Variants in STXBP5L observed in about 807,000 individuals in gnomAD.
STXBP5L encodes the protein syntaxin binding protein 5L, also known as syntaxin-binding protein 5-like.
In STXBP5L, 65 loss-of-function variants were observed where a neutral mutation model predicts 144.5. The observed-to-expected ratio is 0.45, with a 90% CI of 0.37 to 0.55. The LOEUF is 0.55. STXBP5L is among the 20% of genes least tolerant of loss of function. The pLI is 0.00. For missense variants in STXBP5L, 1,298 were observed against 1,405.5 expected (o/e 0.92, Z 1.22); for synonymous variants, 505 against 469.6 (o/e 1.08, Z -0.97).
At chr3:121,010,319 G>T (rs1944677839) in intron 3 of STXBP5L, among the ~76,000 whole-genome samples, 1 of 151,768 alleles carries the variant, frequency 6.6e-6, no homozygotes, top group Non-Finnish European at 1.5e-5. Context: ...AGAGGAATTG[G>T]TCTCCCCTTC....
intron 22 of STXBP5L, among the ~76,000 whole-genome samples, chr3:121,403,674 TA>T: frequency 1.3e-5 from 2 of 152,290 alleles, no homozygotes; most frequent in South Asian, 4.1e-4. Context: ...TAAGTAATTA[TA>T]TGGGATATTA....
chr3:120,996,355 G>T (rs1223834694), intron 3 of STXBP5L, among the ~76,000 whole-genome samples: 1 of 151,862 alleles, frequency 6.6e-6, no homozygotes, highest in Non-Finnish European at 1.5e-5. Flanking sequence ...TTAATATAAT[G>T]TATATTTAAG....
At chr3:121,001,393 C>T (rs1159932344) in intron 3 of STXBP5L, among the ~76,000 whole-genome samples, 3 of 152,178 alleles carry the variant, frequency 2.0e-5, no homozygotes, top group Non-Finnish European at 4.4e-5. Context: ...CTGGTCACAT[C>T]CCACAGGCAC....
At chr3:121,038,241 A>C (rs1946895699) in intron 3 of STXBP5L, among the ~76,000 whole-genome samples, 1 of 151,902 alleles carries the variant, frequency 6.6e-6, no homozygotes. Flanking sequence ...TACATAATTT[A>C]AGATCTTTTT....
rs368965958 is a variant in STXBP5L, at chr3:121,378,833, G to T, written c.2294G>T (p.Arg765Leu). The T allele has an allele frequency of 4.3e-6, 7 of 1,613,714 alleles. No homozygotes were observed. Among genetic ancestry groups the T allele is most frequent in the Non-Finnish European group, 5.9e-6 (7 of 1,179,834 alleles). ...NRWGPGRPPF[R>L]KAQSAACMEI... is the part of the protein sequence containing the mutation. ...TGGGGTCCTGGAAGACCACCATTTC[G>T]AAAGGCCCAGTCAGCAGCCTGCATG... The change falls in exon 21 of 27, where the codon CGA becomes CTA. Residue 765 changes from arginine (R) to leucine (L), a missense_variant. Coordinates refer to ENST00000471454, the MANE Select transcript of STXBP5L (RefSeq NM_001308330.2).
intron 15 of STXBP5L, among the ~76,000 whole-genome samples, chr3:121,251,322 T>G (rs2050019022): frequency 6.6e-6 from 1 of 152,154 alleles, no homozygotes; most frequent in African/African-American, 2.4e-5. Flanking sequence ...TTGTAGTCAT[T>G]AGAAAAGATA....
chr3:121,164,233 A>G (rs1250899641), intron 9 of STXBP5L, among the ~76,000 whole-genome samples: 4 of 152,154 alleles, frequency 2.6e-5, no homozygotes, highest in African/African-American at 7.2e-5. Flanking sequence ...AATGGCCAAC[A>G]CGTATGTAAA....
rs181434420 is a variant in STXBP5L, at chr3:121,071,064, C to A, written c.470+25529C>A. On this transcript the variant is annotated intron_variant, in intron 5 of 26. Coordinates refer to ENST00000471454, the MANE Select transcript of STXBP5L (RefSeq NM_001308330.2). Reference sequence around the variant, plus strand: ...AGGTCTGGTATAACAGAGTTTTAGTCACACCTTTTCTGGACCAGGCTTCTA... The same window carrying A: ...AGGTCTGGTATAACAGAGTTTTAGTAACACCTTTTCTGGACCAGGCTTCTA... Among the ~76,000 whole-genome samples the A allele has an allele frequency of 3.9e-3, 596 of 152,218 alleles. 7 individuals carry two copies. Among genetic ancestry groups the A allele is most frequent in the African/African-American group, 8.4e-3 (348 of 41,542 alleles).
chr3:121,315,654 G>A (rs948853266), intron 19 of STXBP5L, among the ~76,000 whole-genome samples: 6 of 151,562 alleles, frequency 4.0e-5, no homozygotes, highest in Non-Finnish European at 7.4e-5. Context: ...AAAAAAAGAA[G>A]CTCATCAAAG....
At chr3:121,008,646 G>C (rs891503006) in intron 3 of STXBP5L, among the ~76,000 whole-genome samples, 8 of 151,946 alleles carry the variant, frequency 5.3e-5, no homozygotes, top group Non-Finnish European at 1.0e-4. Context: ...GGTTTAAGAG[G>C]CTATTCCAGC....
intron 9 of STXBP5L, among the ~76,000 whole-genome samples, chr3:121,178,992 G>A (rs2047038885): frequency 6.6e-6 from 1 of 152,022 alleles, no homozygotes; most frequent in Admixed American, 6.6e-5. Flanking sequence ...GCAGATACGA[G>A]CACAGGTGTG....
At chr3:121,039,960 A>G (rs1576745430) in intron 3 of STXBP5L, among the ~76,000 whole-genome samples, 1 of 124,148 alleles carries the variant, frequency 8.1e-6, no homozygotes, top group Non-Finnish European at 1.6e-5. Context: ...AGATAGGTAG[A>G]TAGATGGATG....
intron 5 of STXBP5L, among the ~76,000 whole-genome samples, chr3:121,092,772 C>G (rs1389926527): frequency 2.0e-5 from 3 of 152,128 alleles, no homozygotes; most frequent in Non-Finnish European, 4.4e-5. Flanking sequence ...TTTCCTTCTC[C>G]TGTCTAATTG....
chr3:121,100,371 TCAAA>T (rs1489739801), intron 5 of STXBP5L, among the ~76,000 whole-genome samples: 3 of 151,886 alleles, frequency 2.0e-5, no homozygotes, highest in Admixed American at 6.6e-5. Context: ...CTCAATAAAC[TCAAA>T]CAAACTGAAA....
rs1398152317 is a variant in STXBP5L, at chr3:121,407,366, C to T, written c.2711C>T (p.Ser904Phe). ...DPNNIDENEK[S>F]WRRKVVMNSS... ...AACAACATAGATGAAAATGAAAAAT[C>T]TTGGAGAAGGAAAGTGGTAATGAAC... is the stretch of plus-strand genomic sequence containing the variant. The change falls in exon 23 of 27, where the codon TCT (serine) becomes TTT (phenylalanine). Residue 904 changes from serine (S) to phenylalanine (F), a missense_variant. By Grantham distance (155) the Ser-to-Phe change is radical (BLOSUM62 -2). Coordinates refer to ENST00000471454, the MANE Select transcript of STXBP5L (RefSeq NM_001308330.2). The T allele has an allele frequency of 1.2e-6, 2 of 1,612,828 alleles. No homozygotes were observed. Among genetic ancestry groups the T allele is most frequent in the African/African-American group, 1.3e-5 (1 of 74,832 alleles).
At chr3:121,087,858 G>C (rs977210211) in intron 5 of STXBP5L, among the ~76,000 whole-genome samples, 2 of 151,848 alleles carry the variant, frequency 1.3e-5, no homozygotes, top group African/African-American at 2.4e-5. Context: ...GGTTGCTATA[G>C]GTATTTTATT....
At chr3:120,976,159 G>C (rs1262857105) in intron 3 of STXBP5L, among the ~76,000 whole-genome samples, 1 of 152,158 alleles carries the variant, frequency 6.6e-6, no homozygotes, top group East Asian at 1.9e-4. Context: ...ATTCGGCTGT[G>C]AATCCATCTG....
At chr3:121,417,028 C>G (rs2047255436) in intron 25 of STXBP5L, among the ~76,000 whole-genome samples, 1 of 151,976 alleles carries the variant, frequency 6.6e-6, no homozygotes, top group Non-Finnish European at 1.5e-5. Flanking sequence ...ATGGATAAAC[C>G]TTGAAAACAT....
chr3:121,054,256 A>T (rs1316056823), intron 5 of STXBP5L, among the ~76,000 whole-genome samples: 1 of 152,150 alleles, frequency 6.6e-6, no homozygotes, highest in Non-Finnish European at 1.5e-5. Flanking sequence ...TACCCAAAGG[A>T]TTATAAATCA....
Sources: gnomAD v4.1 joint callset for allele counts (sites outside exome capture counted in the v4.1 genomes callset) on GRCh38, gnomAD v4.1.1 for gene constraint, MANE v1.5 for transcripts, NCBI Gene and HGNC (gene_info 2026-07-23, HGNC 2026-07-21) for gene names.